The following TRMT11 variants were observed in gnomAD, a reference collection of about 807,000 sequenced individuals.
TRMT11 encodes the protein tRNA methyltransferase 11.
In TRMT11, 53 loss-of-function variants were observed where a neutral mutation model predicts 62.8. The observed-to-expected ratio is 0.84, with a 90% CI of 0.68 to 1.06. The LOEUF (loss-of-function observed/expected upper bound fraction) is 1.06. TRMT11 is among the 50% of genes least tolerant of loss of function. The pLI is 0.00. For missense variants in TRMT11, 556 were observed against 553.4 expected (o/e 1.00, Z -0.05); for synonymous variants, 188 against 190.3 (o/e 0.99, Z 0.10).
chr6:126,259,041 A>G, the TRMT11 span, among the ~76,000 whole-genome samples: 1 of 152,040 alleles, frequency 6.6e-6, no homozygotes, highest in Non-Finnish European at 1.5e-5. Flanking sequence ...TGTTCTCATC[A>G]TTTAGCTCCC....
the TRMT11 span, among the ~76,000 whole-genome samples, chr6:126,242,178 T>C: frequency 3.9e-5 from 6 of 152,144 alleles, no homozygotes; most frequent in Non-Finnish European, 5.9e-5. Context: ...TGAACTCCCA[T>C]TCACAATTGC....
At chr6:126,162,696 A>G (rs1778205447) in intron 21 of TRMT11, among the ~76,000 whole-genome samples, 1 of 152,224 alleles carries the variant, frequency 6.6e-6, no homozygotes, top group Non-Finnish European at 1.5e-5. Context: ...ATCCATGAGC[A>G]TGGAATGTTT....
At chr6:126,013,539 G>A (rs1280528324) in intron 11 of TRMT11, among the ~76,000 whole-genome samples, 1 of 152,186 alleles carries the variant, frequency 6.6e-6, no homozygotes, top group Non-Finnish European at 1.5e-5. Context: ...GTGATTATAA[G>A]AGTGAGCCAC....
intron 17 of TRMT11, among the ~76,000 whole-genome samples, chr6:126,093,627 A>ATTTTTTTTTTTTTTTTT (rs1343339966): frequency 2.1e-5 from 2 of 94,636 alleles, no homozygotes; most frequent in African/African-American, 9.5e-5. Flanking sequence ...ATATATATAT[A>ATTTTTTTTTTTTTTTTT]TATATTTTCC....
At chr6:126,055,691 T>C (rs1263711728) in intron 17 of TRMT11, among the ~76,000 whole-genome samples, 1 of 152,210 alleles carries the variant, frequency 6.6e-6, no homozygotes, top group Non-Finnish European at 1.5e-5. Context: ...TTTTTCCCTT[T>C]AGTATATACG....
chr6:126,178,081 G>A (rs549897288), intron 1 of TRMT11, among the ~76,000 whole-genome samples: 1 of 152,192 alleles, frequency 6.6e-6, no homozygotes, highest in South Asian at 2.1e-4. Flanking sequence ...AATACTCTAT[G>A]TTAAAAAATA....
At chr6:126,065,035 A>G (rs1464787338) in intron 17 of TRMT11, among the ~76,000 whole-genome samples, 1 of 152,202 alleles carries the variant, frequency 6.6e-6, no homozygotes, top group Non-Finnish European at 1.5e-5. Context: ...GTCTAGGAGC[A>G]TTTCCATTCA....
chr6:126,055,422 C>T (rs1776345389), intron 17 of TRMT11, among the ~76,000 whole-genome samples: 1 of 152,212 alleles, frequency 6.6e-6, no homozygotes, highest in Admixed American at 6.5e-5. Context: ...CAGCCAGCAA[C>T]CACTATGAAC....
chr6:126,230,558 T>C, the TRMT11 span, among the ~76,000 whole-genome samples: 1 of 152,212 alleles, frequency 6.6e-6, no homozygotes, highest in African/African-American at 2.4e-5. Flanking sequence ...ATGCATCTTA[T>C]TTTGGCAACT....
chr6:125,998,034 C>G lies in TRMT11; in HGVS notation c.213-19C>G. 1.3e-6 allele frequency: 2 copies of G among 1,552,838 alleles called. No individual in the cohort carries two copies. Among genetic ancestry groups the G allele is most frequent in the Non-Finnish European group, 1.8e-6 (2 of 1,125,964 alleles). Reference sequence around the variant, plus strand: ...ACTAAGTTCTTTACTGAGGTTAGTACCAATCATTTATTTCCTAGGTCTATA... The same window carrying G: ...ACTAAGTTCTTTACTGAGGTTAGTAGCAATCATTTATTTCCTAGGTCTATA... On this transcript the variant is annotated intron_variant, in intron 3 of 12. Coordinates refer to ENST00000334379, the MANE Select transcript of TRMT11 (RefSeq NM_001031712.3).
At chr6:126,213,116 T>C in the TRMT11 span, among the ~76,000 whole-genome samples, 15 of 152,252 alleles carry the variant, frequency 9.9e-5, no homozygotes, top group Middle Eastern at 3.4e-3. Context: ...TCTATTCTGT[T>C]CCATTGGTCT....
chr6:125,994,324 T>C (rs983037986), intron 2 of TRMT11, among the ~76,000 whole-genome samples: 1 of 152,080 alleles, frequency 6.6e-6, no homozygotes, highest in African/African-American at 2.4e-5. Context: ...TTTTTTTTTT[T>C]CGTGTACTTT....
intron 21 of TRMT11, among the ~76,000 whole-genome samples, chr6:126,142,182 A>T (rs1433645465): frequency 1.3e-5 from 2 of 152,066 alleles, no homozygotes; most frequent in Non-Finnish European, 2.9e-5. Context: ...GGAGAAGAAG[A>T]TGTGTGATAC....
the TRMT11 span, among the ~76,000 whole-genome samples, chr6:126,261,762 G>T: frequency 3.9e-5 from 6 of 152,156 alleles, no homozygotes; most frequent in South Asian, 6.2e-4. Flanking sequence ...TGATGGTGTT[G>T]GTGTAGTTTT....
the TRMT11 span, among the ~76,000 whole-genome samples, chr6:126,219,226 T>C: frequency 6.6e-6 from 1 of 152,056 alleles, no homozygotes; most frequent in Admixed American, 6.6e-5. Flanking sequence ...TGTAGATAGT[T>C]GTTAAGTTTG....
At chr6:126,118,203 G>A (rs1777611777) in intron 21 of TRMT11, among the ~76,000 whole-genome samples, 1 of 151,970 alleles carries the variant, frequency 6.6e-6, no homozygotes, top group South Asian at 2.1e-4. Context: ...AAATAACATT[G>A]AACGATTAAG....
chr6:126,152,305 G>A (rs978429842), intron 21 of TRMT11, among the ~76,000 whole-genome samples: 2 of 151,104 alleles, frequency 1.3e-5, no homozygotes, highest in African/African-American at 4.9e-5. Context: ...GATCAGCACA[G>A]TTATTACTTT....
chr6:125,995,131 A>G (rs1791279260), intron 2 of TRMT11, among the ~76,000 whole-genome samples: 1 of 152,184 alleles, frequency 6.6e-6, no homozygotes, highest in African/African-American at 2.4e-5. Flanking sequence ...GGTATCCCTG[A>G]ACTTAAAAGT....
chr6:126,190,916 A>AT (rs1211646903), intron 1 of TRMT11, among the ~76,000 whole-genome samples: 1 of 152,190 alleles, frequency 6.6e-6, no homozygotes, highest in Non-Finnish European at 1.5e-5. Flanking sequence ...GAGTGCAGAT[A>AT]TCTCTTCAAC....
Sources: allele counts gnomAD v4.1 joint callset (sites outside exome capture counted in the v4.1 genomes callset), GRCh38; gene constraint gnomAD v4.1.1; transcripts MANE v1.5; gene names NCBI Gene and HGNC (gene_info 2026-07-23, HGNC 2026-07-21).